The following ALDH1A2 variants were observed in gnomAD, a reference collection of about 807,000 sequenced individuals.
The protein encoded by ALDH1A2 is retinal dehydrogenase 2.
Under a neutral mutation model 60.3 loss-of-function variants are expected in ALDH1A2, and 27 were observed. The ratio of observed to expected loss-of-function variants is 0.45; its 90% CI spans 0.33 to 0.62. ALDH1A2 has a LOEUF of 0.62. Ranked by LOEUF, ALDH1A2 falls within the 20% of genes least tolerant of loss-of-function variation. The pLI is 0.02. For missense variants in ALDH1A2, 581 were observed against 643.8 expected, an observed-to-expected ratio of 0.90 and a Z score of 1.06; for synonymous variants, 289 against 232.4, an observed-to-expected ratio of 1.24 and a Z score of -2.21.
intron 1 of ALDH1A2, among the ~76,000 whole-genome samples, chr15:58,059,532 G>T (rs1462337988): frequency 1.3e-5 from 2 of 152,132 alleles, no homozygotes; most frequent in African/African-American, 4.8e-5. Context: ...CTTGTATGCT[G>T]CATACTTCCC....
At chr15:58,009,827 T>G (rs977925195) in intron 4 of ALDH1A2, among the ~76,000 whole-genome samples, 2 of 152,116 alleles carry the variant, frequency 1.3e-5, no homozygotes, top group Non-Finnish European at 2.9e-5. Context: ...TTTTGTAAAC[T>G]GAAGATGTTT....
chr15:58,012,345 C>T (rs1895657085), intron 3 of ALDH1A2, among the ~76,000 whole-genome samples: 2 of 151,970 alleles, frequency 1.3e-5, no homozygotes, highest in Non-Finnish European at 2.9e-5. Context: ...TGCTAAGAAC[C>T]ATGCTAGGAT....
intron 4 of ALDH1A2, among the ~76,000 whole-genome samples, chr15:58,009,530 G>A (rs1405960963): frequency 6.6e-6 from 1 of 151,346 alleles, no homozygotes; most frequent in Admixed American, 6.6e-5. Flanking sequence ...TCCATGGAAA[G>A]CAGACTGCCT....
Position 58,015,014 on chromosome 15 carries a change from C to A in ALDH1A2, c.118-733G>T, listed in dbSNP as rs181480713. On this transcript the variant is annotated intron_variant, in intron 1 of 12. Coordinates refer to ENST00000249750, the MANE Select transcript of ALDH1A2 (RefSeq NM_003888.4). The stretch of plus-strand genomic sequence containing the variant: ...GGAAATTATTCAAGTCAATTTCTCA[C>A]AAGATTTGTAATAAATGAGTTAAAG... Among the ~76,000 whole-genome samples, 402 of 152,058 alleles carry A rather than the reference C, an allele frequency of 2.6e-3. 3 individuals carry two copies. Among genetic ancestry groups the A allele is most frequent in the African/African-American group, 9.0e-3 (372 of 41,492 alleles).
At chr15:57,955,726 T>G (rs1253123478) in intron 12 of ALDH1A2, among the ~76,000 whole-genome samples, 1 of 147,358 alleles carries the variant, frequency 6.8e-6, no homozygotes, top group African/African-American at 2.5e-5. Flanking sequence ...CAGTATTAGT[T>G]CTTTGGGACA....
chr15:57,995,577 A>T (rs1011130920), intron 4 of ALDH1A2, among the ~76,000 whole-genome samples: 12 of 152,146 alleles, frequency 7.9e-5, no homozygotes, highest in Non-Finnish European at 1.5e-4. Context: ...GGGCAAATTT[A>T]AAATGCTCGG....
intron 1 of ALDH1A2, among the ~76,000 whole-genome samples, chr15:58,037,783 A>C (rs1896414000): frequency 6.6e-6 from 1 of 151,784 alleles, no homozygotes; most frequent in African/African-American, 2.4e-5. Context: ...GGTTCTAAGA[A>C]GCCATGCAAA....
chr15:57,993,776 T>C (rs1396111527), intron 5 of ALDH1A2, among the ~76,000 whole-genome samples: 4 of 152,228 alleles, frequency 2.6e-5, no homozygotes, highest in Non-Finnish European at 1.5e-5. Flanking sequence ...GCCTCAGTAC[T>C]ATCAGGTGTC....
chr15:57,958,625 C>G (rs1388462945), intron 12 of ALDH1A2, among the ~76,000 whole-genome samples: 1 of 152,056 alleles, frequency 6.6e-6, no homozygotes, highest in Non-Finnish European at 1.5e-5. Context: ...TGTCAGGGAC[C>G]AAAGCTGCAT....
chr15:57,964,200 G>A (rs1893822207), intron 8 of ALDH1A2, 131 bp from the exon 9 acceptor site: 1 of 936,968 alleles, frequency 1.1e-6, no homozygotes, highest in Non-Finnish European at 1.6e-6. Flanking sequence ...GAATAGCCCT[G>A]GATTGGGAAT....
At chr15:58,032,882 A>C (rs1245328378) in intron 1 of ALDH1A2, among the ~76,000 whole-genome samples, 1 of 152,016 alleles carries the variant, frequency 6.6e-6, no homozygotes, top group East Asian at 1.9e-4. Context: ...GCAGCAACGT[A>C]GATGGGACTG....
At chr15:58,064,859 A>G (rs966478625) in intron 1 of ALDH1A2, among the ~76,000 whole-genome samples, 26 of 110,074 alleles carry the variant, frequency 2.4e-4, no homozygotes, top group African/African-American at 3.3e-4. Flanking sequence ...CGTTCGTTAT[A>G]AAAAAAAAAA....
At chr15:58,054,687 C>T (rs1896852795) in intron 1 of ALDH1A2, among the ~76,000 whole-genome samples, 1 of 152,118 alleles carries the variant, frequency 6.6e-6, no homozygotes, top group African/African-American at 2.4e-5. Context: ...ATATTATCCT[C>T]AATAGCCTCA....
At chr15:58,001,166 T>G (rs1595656962) in intron 4 of ALDH1A2, among the ~76,000 whole-genome samples, 1 of 151,720 alleles carries the variant, frequency 6.6e-6, no homozygotes, top group East Asian at 1.9e-4. Flanking sequence ...ATCAGCATCT[T>G]ATAAACAGAG....
In ALDH1A2 at chr15:58,042,504, C is replaced by T. The variant is rs191058775; in HGVS notation, c.117+23030G>A. On this transcript the variant is annotated intron_variant, in intron 1 of 12. Transcript: ENST00000249750. The stretch of plus-strand genomic sequence containing the variant: ...ATAAGAAGCAAGTATGAATTAAAAA[C>T]GTACATTGTTTCTTCCAGCTAAAAG... Among the ~76,000 whole-genome samples the T allele has an allele frequency of 6.6e-5, 10 of 151,974 alleles. No individual in the cohort carries two copies. In the East Asian group the frequency reaches 9.7e-4, roughly 15 times the overall value.
At chr15:58,038,736 G>C (rs1896438275) in intron 1 of ALDH1A2, among the ~76,000 whole-genome samples, 1 of 151,748 alleles carries the variant, frequency 6.6e-6, no homozygotes. Context: ...TATTGTGGTA[G>C]AAGGCAATGG....
At chr15:58,034,605 A>G (rs1429414569) in intron 1 of ALDH1A2, among the ~76,000 whole-genome samples, 1 of 151,678 alleles carries the variant, frequency 6.6e-6, no homozygotes, top group Non-Finnish European at 1.5e-5. Context: ...GGTTTTATGT[A>G]GATGTTTTTC....
chr15:57,972,961 G>A (rs1596073325), intron 7 of ALDH1A2, among the ~76,000 whole-genome samples: 1 of 152,164 alleles, frequency 6.6e-6, no homozygotes, highest in Admixed American at 6.5e-5. Flanking sequence ...GATGGTGCTT[G>A]TATCATGCAA....
At chr15:58,049,542 T>C (rs1896721602) in intron 1 of ALDH1A2, among the ~76,000 whole-genome samples, 1 of 152,110 alleles carries the variant, frequency 6.6e-6, no homozygotes, top group Non-Finnish European at 1.5e-5. Context: ...CTCCTTGTTC[T>C]GTCTGAGTAT....
Sources: allele counts gnomAD v4.1 joint callset (sites outside exome capture counted in the v4.1 genomes callset), GRCh38; gene constraint gnomAD v4.1.1; transcripts MANE v1.5; gene names NCBI Gene and HGNC (gene_info 2026-07-23, HGNC 2026-07-21).